Variants in WDR41 observed in about 807,000 individuals in gnomAD.
WDR41 encodes the protein WD repeat domain 41.
Under a neutral mutation model 69.3 loss-of-function variants are expected in WDR41, and 63 were observed. That is an observed-to-expected ratio of 0.91 (90% confidence interval 0.74 to 1.12). WDR41 has a LOEUF of 1.12. Ranked by LOEUF, WDR41 falls within the 50% of genes most tolerant of loss-of-function variation. The pLI, the probability that WDR41 is intolerant of heterozygous loss-of-function variation, is 0.00. For synonymous variants in WDR41, 185 were observed against 192.1 expected (o/e 0.96, Z 0.31); for missense variants, 543 against 534.5 (o/e 1.02, Z -0.16).
intron 1 of WDR41, among the ~76,000 whole-genome samples, chr5:77,524,289 A>G (rs1433821477): frequency 6.6e-6 from 1 of 152,152 alleles, no homozygotes; most frequent in Non-Finnish European, 1.5e-5. Context: ...CCAAAGTACT[A>G]TGGAAATAAT....
intron 2 of WDR41, among the ~76,000 whole-genome samples, chr5:77,473,838 C>T (rs1198630208): frequency 1.3e-5 from 2 of 152,154 alleles, no homozygotes; most frequent in Non-Finnish European, 2.9e-5. Context: ...CACTTTTACA[C>T]TGTTGGTGGG....
At chr5:77,588,463 A>G (rs1459663922) in intron 1 of WDR41, among the ~76,000 whole-genome samples, 4 of 152,334 alleles carry the variant, frequency 2.6e-5, no homozygotes, top group South Asian at 2.1e-4. Flanking sequence ...TGTGTGTAAC[A>G]TAAGATAAAG....
chr5:77,435,257 C>T (rs1798894973), intron 12 of WDR41, among the ~76,000 whole-genome samples: 2 of 152,242 alleles, frequency 1.3e-5, no homozygotes, highest in Non-Finnish European at 2.9e-5. Context: ...TCCTACTAAA[C>T]TTCAAGGTTC....
chr5:77,438,408 T>G, intron 9 of WDR41, 47 bp from the exon 10 acceptor site: 1 of 1,605,114 alleles, frequency 6.2e-7, no homozygotes, highest in Non-Finnish European at 8.5e-7. Context: ...CACTCACCCT[T>G]CCTAGTGTAA....
upstream of WDR41, chr5:77,492,541 G>T: frequency 2.9e-6 from 1 of 340,342 alleles, no homozygotes; most frequent in East Asian, 4.7e-5. Context: ...GGTAGCGCAC[G>T]GAGCTTAGGT....
rs765161423 is a variant in WDR41 at position 77,438,358 on chromosome 5, C to G, written c.886G>C (p.Val296Leu). 6.2e-7 allele frequency: 1 copy of G among 1,613,828 alleles called. No homozygotes were observed. Among genetic ancestry groups the G allele is most frequent in the Non-Finnish European group, 8.5e-7 (1 of 1,179,792 alleles). Residue 296 changes from valine (V) to leucine (L), a missense_variant, in exon 10 of 13, where the codon GTA (valine) becomes CTA (leucine). By Grantham distance (32) the Val-to-Leu change is conservative. Transcript: ENST00000296679. The part of the protein sequence containing the change: ...IHHFTCDEEN[V>L]FAAVGRGLYV... ...AAACCCCTTCCAACTGCAGCAAATA[C>G]ATTCTAGGGGAAGAAGTTCAGAAAT...
At chr5:77,593,697 G>C (rs1482592830) in intron 1 of WDR41, among the ~76,000 whole-genome samples, 1 of 152,112 alleles carries the variant, frequency 6.6e-6, no homozygotes, top group African/African-American at 2.4e-5. Context: ...AAGAGACTTA[G>C]AATGCACCTA....
At chr5:77,445,813 A>G (rs927940557) in intron 8 of WDR41, among the ~76,000 whole-genome samples, 7 of 152,214 alleles carry the variant, frequency 4.6e-5, no homozygotes, top group Non-Finnish European at 8.8e-5. Context: ...CCCACAGCCA[A>G]TATCATATGA....
At position 77,531,283 on chromosome 5, in the gene WDR41, T is replaced by C. The variant is rs558996648; in HGVS notation, c.43-41711A>G. Among the ~76,000 whole-genome samples the C allele has an allele frequency of 1.7e-3, 266 of 152,044 alleles. 1 individual carries two copies. The highest frequency in any genetic ancestry group is 4.8e-3 in the Admixed American group (73 of 15,256). On this transcript the variant is annotated intron_variant, in intron 1 of 5. Transcript: ENST00000509971. ...TGAAAAGGGTCTCACATCCAGAATA[T>C]AGAAAGAGCTCTTACAACTCAACAA... is the stretch of plus-strand genomic sequence containing the variant.
rs556388627 is a variant in WDR41, at chr5:77,592,604, G to A, written c.42+27875C>T. Among the ~76,000 whole-genome samples the A allele has an allele frequency of 5.9e-5, 9 of 152,246 alleles. No homozygotes were observed. The East Asian group carries it at 1.7e-3, about 29-fold the overall frequency. On this transcript the variant is annotated intron_variant, in intron 1 of 5. Transcript: ENST00000509971. ...AGTATACAAATTAAAATCAGCAAAA[G>A]AAAAGGGCAACAGAGGTGTCCAAGA...
chr5:77,535,246 G>A (rs1742952272), intron 1 of WDR41, among the ~76,000 whole-genome samples: 1 of 152,018 alleles, frequency 6.6e-6, no homozygotes, highest in South Asian at 2.1e-4. Flanking sequence ...AATTGTCTGT[G>A]GCCAGATCCT....
At chr5:77,584,631 C>A (rs1329788351) in intron 1 of WDR41, among the ~76,000 whole-genome samples, 1 of 151,958 alleles carries the variant, frequency 6.6e-6, no homozygotes, top group Non-Finnish European at 1.5e-5. Flanking sequence ...GAAAGGACAC[C>A]CTTTCCAACA....
intron 2 of WDR41, among the ~76,000 whole-genome samples, chr5:77,482,206 T>G (rs1801302800): frequency 1.3e-5 from 2 of 152,226 alleles, no homozygotes; most frequent in Admixed American, 1.3e-4. Flanking sequence ...GTAAATTATT[T>G]TGAAGCAAAT....
At chr5:77,494,413 T>C (rs1347942426), upstream of WDR41, among the ~76,000 whole-genome samples, 1 of 151,600 alleles carries the variant, frequency 6.6e-6, no homozygotes, top group African/African-American at 2.4e-5. Flanking sequence ...ATGCTGTCTA[T>C]GAAAGACTGA....
At chr5:77,600,592 A>G (rs1744304881) in intron 1 of WDR41, among the ~76,000 whole-genome samples, 2 of 152,184 alleles carry the variant, frequency 1.3e-5, no homozygotes, top group Admixed American at 1.3e-4. Context: ...AAAATTTCAC[A>G]TAGTTGAGGC....
chr5:77,480,413 T>A (rs1241105056), intron 2 of WDR41, among the ~76,000 whole-genome samples: 1 of 152,062 alleles, frequency 6.6e-6, no homozygotes, highest in African/African-American at 2.4e-5. Context: ...AGCAAGGACT[T>A]GGAACCAACC....
Position 77,590,841 on chromosome 5 carries a change from C to G in WDR41, c.42+29638G>C, listed in dbSNP as rs184611414. The stretch of plus-strand genomic sequence containing the variant: ...TTGTATTTTTCCTTTCTTGTATTGT[C>G]TTTGTCAGGTTTTGTTAGAAAGGTT... On this transcript the variant is annotated intron_variant, in intron 1 of 5. Coordinates refer to the WDR41 transcript ENST00000509971. 8.9e-4 allele frequency among the ~76,000 whole-genome samples: 135 copies of G among 152,162 alleles called. 1 individual carries two copies. The highest frequency in any genetic ancestry group is 1.4e-3 in the Admixed American group (21 of 15,294).
At chr5:77,467,313 C>T (rs1012485444) in intron 2 of WDR41, among the ~76,000 whole-genome samples, 5 of 151,774 alleles carry the variant, frequency 3.3e-5, no homozygotes, top group Admixed American at 1.3e-4. Context: ...GTTTCTTTAC[C>T]GATTAGCAAA....
chr5:77,537,784 T>C (rs1743014648), intron 1 of WDR41, among the ~76,000 whole-genome samples: 1 of 152,130 alleles, frequency 6.6e-6, no homozygotes, highest in South Asian at 2.1e-4. Context: ...GAAAATATAA[T>C]TAATACACAC....
Sources: gnomAD v4.1 joint callset for allele counts (sites outside exome capture counted in the v4.1 genomes callset) on GRCh38, gnomAD v4.1.1 for gene constraint, MANE v1.5 for transcripts, NCBI Gene and HGNC (gene_info 2026-07-23, HGNC 2026-07-21) for gene names.